Variants in NCAPG observed in about 807,000 individuals in gnomAD.
NCAPG encodes the protein condensin complex subunit 3.
NCAPG carries 69 observed loss-of-function variants against 113.1 expected under a neutral mutation model. The ratio of observed to expected loss-of-function variants is 0.61; its 90% confidence interval spans 0.50 to 0.75. The LOEUF (loss-of-function observed/expected upper bound fraction) is 0.75, where lower values mean the gene tolerates loss of function less well. NCAPG is among the 30% of genes least tolerant of loss of function. NCAPG has a pLI of 0.00. For synonymous variants in NCAPG, 370 were observed against 415.8 expected (o/e 0.89, Z 1.34); for missense variants, 1,058 against 1,177.0 (o/e 0.90, Z 1.48).
rs1720974619 is a variant in NCAPG at position 17,811,869 on chromosome 4, A to G, written c.112-352A>G. ...CATAAAGAAACTGCTGGTGATAGGA[A>G]GGCCTGAATATGAGAAATATAAAAG... is the stretch of plus-strand genomic sequence containing the variant. On this transcript the variant is annotated intron_variant, in intron 1 of 20. Transcript: ENST00000251496. This position sits in a 1 kb window ranked among gnomAD's most constrained non-coding sequence, Gnocchi z 5.3. 6.6e-6 allele frequency among the ~76,000 whole-genome samples: 1 copy of G among 152,246 alleles called. No individual in the cohort carries two copies.
rs560398638 is a variant in NCAPG at position 17,840,480 on chromosome 4, A to G, written c.2768-127A>G. On this transcript the variant is annotated intron_variant, in intron 18 of 20. Transcript: ENST00000251496. ...ATTCAAATTTTCGAAAGGGTGATTT[A>G]TAACTTTTCACTAGCTGCTAGAAGG... 13 of 632,012 alleles carry G rather than the reference A, an allele frequency of 2.1e-5. No homozygotes were observed. The African/African-American group carries it at 2.5e-4, about 12-fold the overall frequency. 39.2% of individuals were successfully genotyped at this position (632,012 alleles called of 1,614,324 possible).
chr4:17,837,309 G>A lies in NCAPG; in HGVS notation c.2260G>A (p.Val754Met), dbSNP rs111401034. The A allele has an allele frequency of 3.7e-6, 6 of 1,613,626 alleles. No individual in the cohort carries two copies. Among genetic ancestry groups the A allele is most frequent in the Admixed American group, 1.7e-5 (1 of 59,952 alleles). ...TGTTCAACTTCGACATTGCCTAGGC[G>A]TGTTCTTCCCCGTGTTTGCTTATGC... is the stretch of plus-strand genomic sequence containing the variant. ...EDVQLRHCLG[V>M]FFPVFAYASR... The change falls in exon 15 of 21, where the codon GTG becomes ATG. Residue 754 changes from valine to methionine, a missense_variant. Transcript: ENST00000251496.
At chr4:17,831,268 C>A in intron 13 of NCAPG, 152 bp downstream of exon 13, 2 of 939,000 alleles carry the variant, frequency 2.1e-6, no homozygotes, top group Non-Finnish European at 3.0e-6. Context: ...CTTTTGATTT[C>A]TTATTAAAAT....
chr4:17,823,020 A>C lies in NCAPG; in HGVS notation c.1156A>C (p.Arg386=). ...CATTCCAGTTGTTAATGAAGAACACAGAGGTGATTTTTCCTATATTGGAAA... is the reference window on the plus strand; with the variant it reads ...CATTCCAGTTGTTAATGAAGAACACCGAGGTGATTTTTCCTATATTGGAAA... ...QSIPVVNEEH[R]GDFSYIGNLM... Residue 386 remains arginine (R), a synonymous_variant, in exon 8 of 21, where the codon AGA becomes CGA. Transcript: ENST00000251496. 1 of 1,608,770 alleles carries C rather than the reference A, an allele frequency of 6.2e-7. No individual in the cohort carries two copies. Among genetic ancestry groups the C allele is most frequent in the Non-Finnish European group, 8.5e-7 (1 of 1,177,962 alleles).
At position 17,844,448 on chromosome 4, in the gene NCAPG, C is replaced by CTAAAG. The variant is rs1400825604; in HGVS notation, c.*1027_*1031dup. The CTAAAG allele has an allele frequency of 6.6e-6, 1 of 152,274 alleles. No homozygotes were observed. Among genetic ancestry groups the CTAAAG allele is most frequent in the Non-Finnish European group, 1.5e-5 (1 of 67,834 alleles). 9.4% of individuals were successfully genotyped at this position (152,274 alleles called of 1,614,324 possible). ...CTTAAGGTGAAATTTTAAGATGGAG[C>CTAAAG]TAAAGTAAGATCACTGGTTTTTAGA... On this transcript the variant is annotated 3_prime_UTR_variant, in exon 21 of 21. Transcript: ENST00000251496.
intron 7 of NCAPG, among the ~76,000 whole-genome samples, chr4:17,819,550 C>T (rs909608741): frequency 2.3e-4 from 35 of 151,976 alleles, no homozygotes; most frequent in African/African-American, 7.0e-4. Context: ...TACAGGCACG[C>T]GCCTCCATGC....
At chr4:17,828,635 G>T (rs974056361) in intron 12 of NCAPG, among the ~76,000 whole-genome samples, 4 of 152,082 alleles carry the variant, frequency 2.6e-5, no homozygotes, top group Non-Finnish European at 4.4e-5. Context: ...ACTGGAAAGA[G>T]ATACAGAATA....
At chr4:17,826,048 T>C (rs1331407271) in intron 11 of NCAPG, among the ~76,000 whole-genome samples, 2 of 152,148 alleles carry the variant, frequency 1.3e-5, no homozygotes, top group African/African-American at 4.8e-5. Context: ...AATGAAATAC[T>C]GAAATATGTC....
At chr4:17,822,909 G>T (rs1196411217) in intron 7 of NCAPG, 74 bp from the exon 8 acceptor site, 1 of 1,286,864 alleles carries the variant, frequency 7.8e-7, no homozygotes, top group African/African-American at 1.5e-5. Context: ...GCCCTTTTCT[G>T]ACCTAATGGT....
Position 17,837,691 on chromosome 4 carries a change from G to C in NCAPG, c.2356G>C (p.Ala786Pro). The C allele has an allele frequency of 1.2e-6, 2 of 1,613,962 alleles. No homozygotes were observed. The highest frequency in any genetic ancestry group is 1.7e-6 in the Non-Finnish European group (2 of 1,179,920). ...PTLQTLANAP[A>P]SSPLAEIDIT... ...CCTGCAAACACTGGCCAATGCCCCT[G>C]CATCTTCTCCTTTAGCTGAAATTGA... The change falls in exon 16 of 21, where the codon GCA becomes CCA. Residue 786 changes from alanine (A) to proline (P), a missense_variant. Coordinates refer to ENST00000251496, the MANE Select transcript of NCAPG (RefSeq NM_022346.5).
In NCAPG at chr4:17,843,432, C is replaced by T. The variant is rs202008150; in HGVS notation, c.*7C>T. ...CAATGAAGATCTAAGTTAGGAAAGA[C>T]GATGGAGGTGGAATCCTTTAAGATT... is the stretch of plus-strand genomic sequence containing the variant. On this transcript the variant is annotated 3_prime_UTR_variant, in exon 21 of 21. Transcript: ENST00000251496. 1.2e-4 allele frequency: 187 copies of T among 1,609,796 alleles called. No individual in the cohort carries two copies. Among genetic ancestry groups the T allele is most frequent in the Non-Finnish European group, 1.5e-4 (179 of 1,177,004 alleles).
chr4:17,843,500 C>T lies in NCAPG; in HGVS notation c.*75C>T. 1 of 1,520,820 alleles carries T rather than the reference C, an allele frequency of 6.6e-7. No individual in the cohort carries two copies. The highest frequency in any genetic ancestry group is 9.0e-7 in the Non-Finnish European group (1 of 1,114,216). 94.2% of individuals were successfully genotyped at this position (1,520,820 alleles called of 1,614,324 possible). A position where few individuals can be genotyped will look rare whatever the true frequency, so the allele number is the denominator to read the frequency against. Reference sequence around the variant, plus strand: ...TTAATAAAGAAGAAGTTACCCTTGTCAAAATCAGAACAAACCTGATGTCTT... The same window carrying T: ...TTAATAAAGAAGAAGTTACCCTTGTTAAAATCAGAACAAACCTGATGTCTT... On this transcript the variant is annotated 3_prime_UTR_variant, in exon 21 of 21. Transcript: ENST00000251496.
intron 5 of NCAPG, among the ~76,000 whole-genome samples, chr4:17,816,401 G>A (rs1393665967): frequency 1.3e-5 from 2 of 152,134 alleles, no homozygotes; most frequent in Admixed American, 6.5e-5. Context: ...GTACTAGTCC[G>A]TGGCCCAGGG....
chr4:17,837,548 C>T lies in NCAPG; in HGVS notation c.2292-79C>T, dbSNP rs965035237. ...ATGCACTTAATGAGTGAATTTCCTA[C>T]ATAGTAGTTTTGAATTTCATACTTT... is the stretch of plus-strand genomic sequence containing the variant. On this transcript the variant is annotated intron_variant, in intron 15 of 20. Coordinates refer to ENST00000251496, the MANE Select transcript of NCAPG (RefSeq NM_022346.5). The T allele has an allele frequency of 2.1e-6, 3 of 1,454,358 alleles. No homozygotes were observed. The African/African-American group carries it at 4.3e-5, about 21-fold the overall frequency. The allele number at this position is 1,454,358 out of a possible 1,614,324, so 90.1% of individuals were successfully genotyped here.
chr4:17,827,894 C>T (rs1577340846), intron 11 of NCAPG, among the ~76,000 whole-genome samples: 1 of 151,518 alleles, frequency 6.6e-6, no homozygotes, highest in African/African-American at 2.4e-5. Flanking sequence ...CAACCTCCAC[C>T]TCCCGTGTTC....
intron 11 of NCAPG, among the ~76,000 whole-genome samples, chr4:17,827,785 T>C (rs1721707997): frequency 6.6e-6 from 1 of 150,780 alleles, no homozygotes; most frequent in African/African-American, 2.4e-5. Context: ...AGGTGATAAT[T>C]AGGCAAGATG....
rs1258254719 is a variant in NCAPG, at chr4:17,811,011, T to C, written c.-67T>C. ...AAGACTACTCGGAGAGCGCTGCCTC[T>C]GGGTTGGCGGGCTGGCAGGCTGTAG... is the stretch of plus-strand genomic sequence containing the variant. On this transcript the variant is annotated 5_prime_UTR_variant, in exon 1 of 21. Transcript: ENST00000251496. This position sits in a 1 kb window ranked among gnomAD's most constrained non-coding sequence, Gnocchi z 5.3. 7.2e-6 allele frequency: 7 copies of C among 968,776 alleles called. No homozygotes were observed. Among genetic ancestry groups the C allele is most frequent in the Non-Finnish European group, 1.0e-5 (7 of 678,184 alleles). 60.0% of individuals were successfully genotyped at this position (968,776 alleles called of 1,614,324 possible).
At chr4:17,814,727 A>T in intron 3 of NCAPG, 126 bp from the exon 4 acceptor site, 1 of 1,075,662 alleles carries the variant, frequency 9.3e-7, no homozygotes, top group Non-Finnish European at 1.3e-6. Context: ...TATAGGCAGT[A>T]GCCATCATGC....
In NCAPG at chr4:17,825,202, T is replaced by A; in HGVS notation, c.1473+145T>A. The A allele has an allele frequency of 8.8e-6, 7 of 797,758 alleles. No individual in the cohort carries two copies. The South Asian group carries it at 1.3e-4, about 15-fold the overall frequency. 49.4% of individuals were successfully genotyped at this position (797,758 alleles called of 1,614,324 possible). A position where few individuals can be genotyped will look rare whatever the true frequency, so the allele number is the denominator to read the frequency against. Reference sequence around the variant, plus strand: ...TAAACTATAAGAATATTTAAAATGTTACCACATATGTCAGTCTCAGAGATA... The same window carrying A: ...TAAACTATAAGAATATTTAAAATGTAACCACATATGTCAGTCTCAGAGATA... On this transcript the variant is annotated intron_variant, in intron 10 of 20. Coordinates refer to ENST00000251496, the MANE Select transcript of NCAPG (RefSeq NM_022346.5).
Sources: gnomAD v4.1 joint callset for allele counts (sites outside exome capture counted in the v4.1 genomes callset) on GRCh38, gnomAD v4.1.1 for gene constraint, Gnocchi (gnomAD v3.1) non-coding constraint, MANE v1.5 for transcripts, NCBI Gene and HGNC (gene_info 2026-07-23, HGNC 2026-07-21) for gene names.